TM4SF19: variants seen among roughly 807,000 people sequenced by gnomAD.
The protein encoded by TM4SF19 is transmembrane 4 L6 family member 19.
Under a neutral mutation model 21.8 loss-of-function variants are expected in TM4SF19, and 17 were observed. The observed-to-expected ratio is 0.78, with a 90% CI of 0.53 to 1.17. TM4SF19 has a LOEUF of 1.17. Among genes scored for constraint, TM4SF19 ranks in the 50% most tolerant of loss-of-function variants. TM4SF19 has a pLI of 0.00. For synonymous variants in TM4SF19, 107 were observed against 106.7 expected (o/e 1.00, Z -0.02); for missense variants, 216 against 252.1 (o/e 0.86, Z 0.97).
intron 1 of TM4SF19, among the ~76,000 whole-genome samples, chr3:196,332,098 G>A (rs528624968): frequency 1.4e-4 from 21 of 151,900 alleles, no homozygotes; most frequent in African/African-American, 3.1e-4. Context: ...GTGAAACCCC[G>A]TCTCTACTAA....
At chr3:196,335,503 G>A (rs1727717087) in intron 1 of TM4SF19, among the ~76,000 whole-genome samples, 1 of 147,014 alleles carries the variant, frequency 6.8e-6, no homozygotes, top group African/African-American at 2.5e-5. Context: ...CCCTGGGAGG[G>A]TGGGGGTAGG....
At chr3:196,336,967 G>A (rs181228356) in intron 1 of TM4SF19, among the ~76,000 whole-genome samples, 1 of 152,020 alleles carries the variant, frequency 6.6e-6, no homozygotes, top group African/African-American at 2.4e-5. Flanking sequence ...TGGGGGGCTA[G>A]GGATATAACG....
intron 1 of TM4SF19, among the ~76,000 whole-genome samples, chr3:196,329,936 A>G (rs1727441373): frequency 8.1e-6 from 1 of 123,366 alleles, no homozygotes; most frequent in South Asian, 2.8e-4. Flanking sequence ...CAGTGGCGCA[A>G]TCTCAGCTCA....
chr3:196,332,022 G>C (rs1471345446), intron 1 of TM4SF19, among the ~76,000 whole-genome samples: 1 of 152,114 alleles, frequency 6.6e-6, no homozygotes, highest in African/African-American at 2.4e-5. Flanking sequence ...TGTAACCCCA[G>C]CACTTTGGGA....
rs1379504004 is a variant in TM4SF19 at position 196,334,804 on chromosome 3, TG to T, written c.-2+3459del. 3.2e-4 allele frequency among the ~76,000 whole-genome samples: 38 copies of T among 119,694 alleles called. 1 individual carries two copies. Among genetic ancestry groups the T allele is most frequent in the African/African-American group, 1.2e-3 (37 of 31,622 alleles). 78.5% of individuals were successfully genotyped at this position (119,694 alleles called of 152,430 possible). A position where few individuals can be genotyped will look rare whatever the true frequency, so the allele number is the denominator to read the frequency against. On this transcript the variant is annotated intron_variant, in intron 1 of 4. Transcript: ENST00000273695. ...CAAGGGGAGGGGTGCCCTGGGAGGG[TG>T]GGGGTAGGAGAGAGGAAGGGTGCCC...
In TM4SF19 at chr3:196,327,048, G is replaced by A; in HGVS notation, c.202-16C>T. On this transcript the variant is annotated splice_polypyrimidine_tract_variant and intron_variant, in intron 2 of 4. Coordinates refer to ENST00000273695, the MANE Select transcript of TM4SF19 (RefSeq NM_138461.4). ...CAGTGAGTACCTGCAGGAGAGAGAA[G>A]AATGTTGAGATGGGGAAATCGACTT... 2 of 1,592,896 alleles carry A rather than the reference G, an allele frequency of 1.3e-6. No homozygotes were observed. The highest frequency in any genetic ancestry group is 4.5e-5 in the East Asian group (2 of 44,260).
chr3:196,323,865 A>G lies in TM4SF19; in HGVS notation c.582T>C (p.His194=), dbSNP rs1727166234. 1.9e-6 allele frequency: 3 copies of G among 1,614,208 alleles called. No homozygotes were observed. The highest frequency in any genetic ancestry group is 8.5e-7 in the Non-Finnish European group (1 of 1,180,030). ...SLLQLLLVVV[H]VINSLLGLFC... is the part of the protein sequence containing the mutation. Reference sequence around the variant, plus strand: ...AAAGGCCCAGGAGGCTGTTGATGACATGAACGACCACCAGGAGAAGCTGGA... The same window carrying G: ...AAAGGCCCAGGAGGCTGTTGATGACGTGAACGACCACCAGGAGAAGCTGGA... The change falls in exon 5 of 5, where the codon CAT becomes CAC. Residue 194 remains histidine (H), a synonymous_variant. Transcript: ENST00000273695.
At chr3:196,337,947 G>A (rs981147066) in intron 1 of TM4SF19, among the ~76,000 whole-genome samples, 2 of 151,904 alleles carry the variant, frequency 1.3e-5, no homozygotes, top group African/African-American at 4.8e-5. Context: ...GTACCAGGCA[G>A]GGGCATCCAA....
chr3:196,326,173 C>A lies in TM4SF19; in HGVS notation c.279+782G>T, dbSNP rs1241665617. The stretch of plus-strand genomic sequence containing the variant: ...TATTTTTGGTAGAGACGGGGTTTCA[C>A]CATGTTGGCCAGGCTGGTCTCAAAC... On this transcript the variant is annotated intron_variant, in intron 3 of 4. Transcript: ENST00000273695. 2.0e-5 allele frequency among the ~76,000 whole-genome samples: 3 copies of A among 152,114 alleles called. No homozygotes were observed. The South Asian group carries it at 6.2e-4, about 32-fold the overall frequency.
At position 196,324,275 on chromosome 3, in the gene TM4SF19, T is replaced by A. The variant is rs747980061; in HGVS notation, c.445A>T (p.Ser149Cys). ...CCCAAGCCTCCACCCATTTACCTACTATGCAGGTCTTTGAATGGGTAACCA... is the reference window on the plus strand; with the variant it reads ...CCCAAGCCTCCACCCATTTACCTACAATGCAGGTCTTTGAATGGGTAACCA... The part of the protein sequence containing the change: ...KYGYPFKDLH[S>C]RNYLYDRSLW... Residue 149 changes from serine (S) to cysteine (C), a missense_variant, in exon 4 of 5, where the codon AGT becomes TGT. By Grantham distance (112) the Ser-to-Cys change is moderately radical. Coordinates refer to ENST00000273695, the MANE Select transcript of TM4SF19 (RefSeq NM_138461.4). The A allele has an allele frequency of 6.2e-7, 1 of 1,613,882 alleles. No individual in the cohort carries two copies. Among genetic ancestry groups the A allele is most frequent in the Non-Finnish European group, 8.5e-7 (1 of 1,179,808 alleles).
chr3:196,323,782 A>G lies in TM4SF19; in HGVS notation c.*35T>C. 3.7e-6 allele frequency: 6 copies of G among 1,614,176 alleles called. No individual in the cohort carries two copies. The highest frequency in any genetic ancestry group is 5.1e-6 in the Non-Finnish European group (6 of 1,180,028). On this transcript the variant is annotated 3_prime_UTR_variant, in exon 5 of 5. Coordinates refer to ENST00000273695, the MANE Select transcript of TM4SF19 (RefSeq NM_138461.4). ...AAAGGATTCAAGACAGCCGATGATG[A>G]AAACACCCATGCTTGCAAGTGAAGG... is the stretch of plus-strand genomic sequence containing the variant.
chr3:196,328,648 G>A (rs1392495388), intron 1 of TM4SF19, among the ~76,000 whole-genome samples: 2 of 152,260 alleles, frequency 1.3e-5, no homozygotes, highest in East Asian at 1.9e-4. Context: ...ACTCAAAATA[G>A]TTAACATGTT....
rs201121427 is a variant in TM4SF19, at chr3:196,329,447, TTAGA to T, written c.-1-1860_-1-1857del. Reference sequence around the variant, plus strand: ...AGGAGAAAAACACTGGGACCTTGGGTTAGATAAAGGTTTCTTACTAAAATGCAAA... The same window carrying T: ...AGGAGAAAAACACTGGGACCTTGGGTTAAAGGTTTCTTACTAAAATGCAAA... On this transcript the variant is annotated intron_variant, in intron 1 of 4. Transcript: ENST00000273695. Among the ~76,000 whole-genome samples the T allele has an allele frequency of 1.6e-4, 20 of 125,860 alleles. 9 individuals are homozygous for T. In the East Asian group the frequency reaches 0.012, roughly 73 times the overall value. 82.6% of individuals were successfully genotyped at this position (125,860 alleles called of 152,430 possible).
intron 1 of TM4SF19, among the ~76,000 whole-genome samples, chr3:196,336,267 T>A (rs1021214045): frequency 5.9e-5 from 9 of 151,958 alleles, no homozygotes; most frequent in African/African-American, 1.9e-4. Context: ...GACTCCTGAG[T>A]AGCTGGGATT....
At chr3:196,332,525 GAT>G (rs1257519137) in intron 1 of TM4SF19, among the ~76,000 whole-genome samples, 3 of 151,024 alleles carry the variant, frequency 2.0e-5, no homozygotes, top group African/African-American at 7.3e-5. Flanking sequence ...ATATATAAAA[GAT>G]ATGGATCAGA....
At chr3:196,332,989 G>A (rs1266999323) in intron 1 of TM4SF19, among the ~76,000 whole-genome samples, 4 of 151,548 alleles carry the variant, frequency 2.6e-5, no homozygotes, top group East Asian at 3.9e-4. Flanking sequence ...AGCTGAGACC[G>A]CAGGCATGCG....
At chr3:196,331,188 A>G (rs985918010) in intron 1 of TM4SF19, among the ~76,000 whole-genome samples, 3 of 152,022 alleles carry the variant, frequency 2.0e-5, no homozygotes, top group Non-Finnish European at 2.9e-5. Context: ...AGGCAGCAGA[A>G]TCGCTTGAGC....
chr3:196,326,747 C>T (rs983737621), intron 3 of TM4SF19, among the ~76,000 whole-genome samples: 5 of 152,118 alleles, frequency 3.3e-5, no homozygotes, highest in South Asian at 2.1e-4. Context: ...AAGCACTACT[C>T]CCTTGACTTG....
chr3:196,336,956 T>C (rs911007051), intron 1 of TM4SF19, among the ~76,000 whole-genome samples: 7 of 152,042 alleles, frequency 4.6e-5, no homozygotes, highest in African/African-American at 1.7e-4. Flanking sequence ...TGACAGACAC[T>C]TGGGGGGCTA....
Sources: allele counts gnomAD v4.1 joint callset (sites outside exome capture counted in the v4.1 genomes callset), GRCh38; gene constraint gnomAD v4.1.1; transcripts MANE v1.5; gene names NCBI Gene and HGNC (gene_info 2026-07-23, HGNC 2026-07-21).